PKN2: variants seen among roughly 807,000 people sequenced by gnomAD.
The protein encoded by PKN2 is protein kinase N2.
A neutral mutation model predicts 119.1 loss-of-function variants in PKN2; 38 were observed. The ratio of observed to expected loss-of-function variants is 0.32; its 90% CI spans 0.25 to 0.42. The LOEUF is 0.42. PKN2 is among the 10% of genes least tolerant of loss of function. PKN2 has a pLI of 1.00. For missense variants in PKN2, 850 were observed against 1,165.1 expected (o/e 0.73, Z 3.94); for synonymous variants, 390 against 384.9 (o/e 1.01, Z -0.15).
At chr1:88,822,338 G>A (rs1384162711) in intron 17 of PKN2, among the ~76,000 whole-genome samples, 2 of 152,078 alleles carry the variant, frequency 1.3e-5, no homozygotes, top group Non-Finnish European at 2.9e-5. Context: ...TACTAAAAAC[G>A]TGTCCATGAT....
Position 88,749,285 on chromosome 1 carries a change from G to T in PKN2, c.349+7997G>T, listed in dbSNP as rs559914360. ...GTTCTGCAATTTTTATACCTAGGTTGCTTGTTTTACCTTAAAAATTATTCT... is the reference window on the plus strand; with the variant it reads ...GTTCTGCAATTTTTATACCTAGGTTTCTTGTTTTACCTTAAAAATTATTCT... On this transcript the variant is annotated intron_variant, in intron 2 of 21. Coordinates refer to ENST00000370521, the MANE Select transcript of PKN2 (RefSeq NM_006256.4). 2.0e-5 allele frequency among the ~76,000 whole-genome samples: 3 copies of T among 151,712 alleles called. No individual in the cohort carries two copies. The South Asian group carries it at 6.2e-4, about 32-fold the overall frequency.
intron 1 of PKN2, among the ~76,000 whole-genome samples, chr1:88,698,639 A>T (rs1666638876): frequency 6.6e-6 from 1 of 152,208 alleles, no homozygotes; most frequent in Non-Finnish European, 1.5e-5. Context: ...AGATACTGAA[A>T]TGTATAAAAT....
At chr1:88,691,312 G>C (rs767434499) in intron 1 of PKN2, among the ~76,000 whole-genome samples, 1 of 152,006 alleles carries the variant, frequency 6.6e-6, no homozygotes, top group Non-Finnish European at 1.5e-5. Flanking sequence ...CAGTCCACCT[G>C]CCTTGGCCTC....
At chr1:88,716,372 T>G (rs1242055564) in intron 1 of PKN2, among the ~76,000 whole-genome samples, 1 of 152,240 alleles carries the variant, frequency 6.6e-6, no homozygotes, top group East Asian at 1.9e-4. Flanking sequence ...CTCGTTGATC[T>G]GTCTAATGTT....
chr1:88,805,833 CT>C, intron 11 of PKN2, 57 bp from the exon 12 acceptor site: 1 of 1,608,748 alleles, frequency 6.2e-7, no homozygotes, highest in East Asian at 2.2e-5. Flanking sequence ...AATTTTAAAG[CT>C]GTTTAAAATA....
chr1:88,772,951 TA>T (rs1669954052), intron 6 of PKN2, among the ~76,000 whole-genome samples: 1 of 152,202 alleles, frequency 6.6e-6, no homozygotes, highest in South Asian at 2.1e-4. Flanking sequence ...TTCAGTTATG[TA>T]AATTTTTGTT....
chr1:88,746,044 A>G (rs529162250), intron 2 of PKN2, among the ~76,000 whole-genome samples: 252 of 152,260 alleles, frequency 1.7e-3, no homozygotes, highest in African/African-American at 5.4e-3. Context: ...AGGAAGATGA[A>G]CCTTTATCTT....
chr1:88,820,864 ATC>A (rs1672254320), intron 16 of PKN2, among the ~76,000 whole-genome samples: 1 of 152,194 alleles, frequency 6.6e-6, no homozygotes, highest in Admixed American at 6.6e-5. Context: ...GCATTTTTAA[ATC>A]TATTCATTTA....
Position 88,771,890 on chromosome 1 carries a change from T to C in PKN2, c.985+11T>C. 6.4e-7 allele frequency: 1 copy of C among 1,557,712 alleles called. No homozygotes were observed. The highest frequency in any genetic ancestry group is 8.8e-7 in the Non-Finnish European group (1 of 1,131,602). ...CAGCAGCACTAACAGGTATGTAGTG[T>C]ATAGCCATTGTTTTTTGTGTGTATT... On this transcript the variant is annotated intron_variant, in intron 6 of 21. Coordinates refer to ENST00000370521, the MANE Select transcript of PKN2 (RefSeq NM_006256.4).
chr1:88,751,781 A>G (rs1001093035), intron 2 of PKN2, among the ~76,000 whole-genome samples: 1 of 152,014 alleles, frequency 6.6e-6, no homozygotes, highest in African/African-American at 2.4e-5. Context: ...CTTTTCTTGT[A>G]CTTCCTAAAG....
At chr1:88,745,134 A>G (rs1270482988) in intron 2 of PKN2, among the ~76,000 whole-genome samples, 2 of 152,346 alleles carry the variant, frequency 1.3e-5, no homozygotes, top group African/African-American at 2.4e-5. Context: ...AGGTCTATAT[A>G]TGACAGGCCC....
intron 16 of PKN2, among the ~76,000 whole-genome samples, chr1:88,814,880 C>T (rs145976420): frequency 2.0e-5 from 3 of 152,158 alleles, no homozygotes; most frequent in East Asian, 1.9e-4. Flanking sequence ...TAGCAACTGA[C>T]ATTTGTGTTG....
At chr1:88,792,317 C>A (rs965560404) in intron 8 of PKN2, among the ~76,000 whole-genome samples, 1 of 152,134 alleles carries the variant, frequency 6.6e-6, no homozygotes, top group African/African-American at 2.4e-5. Flanking sequence ...GCAATAGAAT[C>A]GCTTGAACCT....
In PKN2 at chr1:88,833,165, T is replaced by G. The variant is rs1672799962; in HGVS notation, c.2751+8T>G. The G allele has an allele frequency of 6.2e-7, 1 of 1,612,006 alleles. No homozygotes were observed. The highest frequency in any genetic ancestry group is 8.5e-7 in the Non-Finnish European group (1 of 1,178,872). ...AAGCACCCATTTTTCCGGGTAAGTG[T>G]GACTATTTAAAATTTTTTATGAAAC... On this transcript the variant is annotated splice_region_variant and intron_variant, in intron 21 of 21. Transcript: ENST00000370521.
At chr1:88,702,803 A>G (rs1283968402) in intron 1 of PKN2, among the ~76,000 whole-genome samples, 1 of 152,168 alleles carries the variant, frequency 6.6e-6, no homozygotes, top group Non-Finnish European at 1.5e-5. Flanking sequence ...TTTCTGTGTG[A>G]TAGTTTCACC....
At chr1:88,747,486 C>T (rs1305259585) in intron 2 of PKN2, among the ~76,000 whole-genome samples, 3 of 152,106 alleles carry the variant, frequency 2.0e-5, no homozygotes. Context: ...AAAAAGATTA[C>T]TGATCTCTAA....
rs1667669021 is a variant in PKN2, at chr1:88,721,287, T to A, written c.49-19701T>A. 2.0e-5 allele frequency among the ~76,000 whole-genome samples: 3 copies of A among 151,560 alleles called. No individual in the cohort carries two copies. In the South Asian group the frequency reaches 6.3e-4, roughly 32 times the overall value. On this transcript the variant is annotated intron_variant, in intron 1 of 21. Coordinates refer to ENST00000370521, the MANE Select transcript of PKN2 (RefSeq NM_006256.4). ...TTCACCATATCCATACCAACATCTA[T>A]TTTTTTTTATTTTTAAAATTATGGC...
At chr1:88,820,567 T>A (rs763398605) in intron 16 of PKN2, among the ~76,000 whole-genome samples, 167 of 151,690 alleles carry the variant, frequency 1.1e-3, no homozygotes, top group Non-Finnish European at 2.0e-3. Context: ...TAAATAAAAA[T>A]TATTGACCCA....
chr1:88,826,074 CCTT>C (rs1399022851), intron 18 of PKN2, among the ~76,000 whole-genome samples: 1 of 152,100 alleles, frequency 6.6e-6, no homozygotes, highest in Non-Finnish European at 1.5e-5. Flanking sequence ...CTTTAGGAGC[CCTT>C]CTTCACTATT....
Sources: allele counts gnomAD v4.1 joint callset (sites outside exome capture counted in the v4.1 genomes callset), GRCh38; gene constraint gnomAD v4.1.1; transcripts MANE v1.5; gene names NCBI Gene and HGNC (gene_info 2026-07-23, HGNC 2026-07-21).